The following TCF4 variants were observed in gnomAD, a reference collection of about 807,000 sequenced individuals.
TCF4 encodes SL3-3 enhancer factor 2.
In TCF4, 3 loss-of-function variants were observed where a neutral mutation model predicts 82.1. That is an observed-to-expected ratio of 0.04 (90% CI 0.02 to 0.09). TCF4 has a LOEUF of 0.09. Among genes scored for constraint, TCF4 ranks in the 10% least tolerant of loss-of-function variants. The probability of loss-of-function intolerance (pLI) is 1.00; values close to 1 mark genes in which losing one functional copy is unlikely to be tolerated. For missense variants in TCF4, 518 were observed against 852.7 expected (o/e 0.61, Z 4.89); for synonymous variants, 276 against 309.6 (o/e 0.89, Z 1.14).
intron 3 of TCF4, among the ~76,000 whole-genome samples, chr18:55,534,053 G>A (rs2097093872): frequency 6.6e-6 from 1 of 152,170 alleles, no homozygotes; most frequent in Non-Finnish European, 1.5e-5. Flanking sequence ...GTTTCAACAT[G>A]AAATGTATTT....
intron 8 of TCF4, among the ~76,000 whole-genome samples, chr18:55,296,564 T>C (rs996636809): frequency 3.9e-5 from 6 of 152,102 alleles, no homozygotes; most frequent in Admixed American, 3.9e-4. Flanking sequence ...TTACCTGCAG[T>C]GGTTTTTGGC....
chr18:55,292,057 G>C (rs530863419), intron 8 of TCF4, among the ~76,000 whole-genome samples: 1 of 152,226 alleles, frequency 6.6e-6, no homozygotes, highest in South Asian at 2.1e-4. Context: ...AAGACTAAAT[G>C]ATCAACATTA....
intron 2 of TCF4, among the ~76,000 whole-genome samples, chr18:55,624,576 TAAAA>T (rs35159003): frequency 1.5e-5 from 2 of 137,160 alleles, no homozygotes; most frequent in Admixed American, 7.3e-5. Flanking sequence ...AGACCCAGAT[TAAAA>T]AAAAAAAAAA....
At chr18:55,597,928 A>G (rs2097692829) in intron 2 of TCF4, among the ~76,000 whole-genome samples, 1 of 152,194 alleles carries the variant, frequency 6.6e-6, no homozygotes, top group South Asian at 2.1e-4. Context: ...CATTGAGGAC[A>G]CAAGACATTG....
At chr18:55,574,001 T>C (rs1054436425) in intron 3 of TCF4, among the ~76,000 whole-genome samples, 5 of 152,220 alleles carry the variant, frequency 3.3e-5, no homozygotes, top group Non-Finnish European at 5.9e-5. Context: ...TAAGCATGTA[T>C]ATCTAGTGTC....
intron 8 of TCF4, among the ~76,000 whole-genome samples, chr18:55,284,046 A>G (rs956480884): frequency 1.3e-5 from 2 of 152,224 alleles, no homozygotes; most frequent in Admixed American, 1.3e-4. Context: ...ATTTTAAGCT[A>G]TTAACATTAG....
intron 9 of TCF4, among the ~76,000 whole-genome samples, chr18:55,279,038 G>A (rs2062009311): frequency 6.6e-6 from 1 of 152,138 alleles, no homozygotes; most frequent in African/African-American, 2.4e-5. Context: ...CAGTTACTAT[G>A]TTGGGACAGA....
rs1044613294 is a variant in TCF4, at chr18:55,510,728, T to C, written c.146-46591A>G. On this transcript the variant is annotated intron_variant, in intron 3 of 19. Transcript: ENST00000354452. Reference sequence around the variant, plus strand: ...GGCCTTTCTTTTAAGGGGCCTTCCTTGTTACTCTCCTGTGCTCCATGGAAA... The same window carrying C: ...GGCCTTTCTTTTAAGGGGCCTTCCTCGTTACTCTCCTGTGCTCCATGGAAA... The C allele has an allele frequency of 3.2e-5, 45 of 1,404,490 alleles. No individual in the cohort carries two copies. In the African/African-American group the frequency reaches 5.9e-4, roughly 19 times the overall value. 87.0% of individuals were successfully genotyped at this position (1,404,490 alleles called of 1,614,324 possible). A position where few individuals can be genotyped will look rare whatever the true frequency, so the allele number is the denominator to read the frequency against.
At chr18:55,629,464 A>T (rs1309550431) in intron 2 of TCF4, among the ~76,000 whole-genome samples, 1 of 152,224 alleles carries the variant, frequency 6.6e-6, no homozygotes, top group African/African-American at 2.4e-5. Context: ...TAATACCAGG[A>T]GATGTTTGAC....
chr18:55,347,871 C>T (rs1033754417), intron 8 of TCF4, among the ~76,000 whole-genome samples: 31 of 152,102 alleles, frequency 2.0e-4, no homozygotes, highest in Non-Finnish European at 1.8e-4. Flanking sequence ...ATATAAGTGT[C>T]TTATGTAGTC....
intron 6 of TCF4, among the ~76,000 whole-genome samples, chr18:55,365,374 C>G (rs2086738154): frequency 6.6e-6 from 1 of 150,846 alleles, no homozygotes; most frequent in South Asian, 2.1e-4. Flanking sequence ...ACTGCTTTTG[C>G]CCAAATTATT....
chr18:55,623,630 G>C (rs2097723709), intron 2 of TCF4, among the ~76,000 whole-genome samples: 1 of 152,040 alleles, frequency 6.6e-6, no homozygotes, highest in Non-Finnish European at 1.5e-5. Flanking sequence ...ATGATAATTT[G>C]TTTGGTAGTG....
chr18:55,396,718 C>G (rs994898668), intron 6 of TCF4, among the ~76,000 whole-genome samples: 2 of 152,148 alleles, frequency 1.3e-5, no homozygotes, highest in Non-Finnish European at 2.9e-5. Flanking sequence ...CAATTAAAGC[C>G]TCTCTGACCA....
chr18:55,495,507 G>A (rs1177793531), intron 3 of TCF4: 1 of 152,030 alleles, frequency 6.6e-6, no homozygotes, highest in Admixed American at 6.6e-5. Flanking sequence ...CAAGTACAAG[G>A]TTTTATGAGA....
At chr18:55,613,274 G>C (rs1276187160) in intron 2 of TCF4, among the ~76,000 whole-genome samples, 1 of 151,582 alleles carries the variant, frequency 6.6e-6, no homozygotes, top group Non-Finnish European at 1.5e-5. Context: ...CACTTTCCTT[G>C]CCTCCCATCT....
chr18:55,311,908 C>A (rs150546200), intron 8 of TCF4, among the ~76,000 whole-genome samples: 80 of 152,242 alleles, frequency 5.3e-4, no homozygotes, highest in African/African-American at 1.8e-3. Context: ...TGAAATCTAT[C>A]CATCTATCTA....
At chr18:55,591,531 T>C (rs2097685322), upstream of TCF4, among the ~76,000 whole-genome samples, 1 of 152,214 alleles carries the variant, frequency 6.6e-6, no homozygotes, top group South Asian at 2.1e-4. Context: ...TTTTGTTTTG[T>C]TTTGAGATGG....
At chr18:55,442,885 T>C (rs1603467675) in intron 5 of TCF4, among the ~76,000 whole-genome samples, 1 of 152,230 alleles carries the variant, frequency 6.6e-6, no homozygotes, top group African/African-American at 2.4e-5. Context: ...CAGCTCTAGG[T>C]TGTAACCAGC....
At chr18:55,509,304 G>A (rs2096798538) in intron 3 of TCF4, among the ~76,000 whole-genome samples, 1 of 151,124 alleles carries the variant, frequency 6.6e-6, no homozygotes, top group Non-Finnish European at 1.5e-5. Flanking sequence ...AAGCAAGTAG[G>A]TACAGCAACA....
Sources: gnomAD v4.1 joint callset for allele counts (sites outside exome capture counted in the v4.1 genomes callset) on GRCh38, gnomAD v4.1.1 for gene constraint, MANE v1.5 for transcripts, NCBI Gene and HGNC (gene_info 2026-07-23, HGNC 2026-07-21) for gene names.